ARHGAP26: variants seen among roughly 807,000 people sequenced by gnomAD.
The protein encoded by ARHGAP26 is Rho GTPase activating protein 26.
In ARHGAP26, 38 loss-of-function variants were observed where a neutral mutation model predicts 104.8. That is an observed-to-expected ratio of 0.36 (90% CI 0.28 to 0.48). ARHGAP26 has a LOEUF of 0.48. Ranked by LOEUF, ARHGAP26 falls within the 20% of genes least tolerant of loss-of-function variation. The probability of loss-of-function intolerance (pLI) is 0.99; values close to 1 mark genes in which losing one functional copy is unlikely to be tolerated. For synonymous variants in ARHGAP26, 341 were observed against 340.0 expected, an observed-to-expected ratio of 1.00 and a Z score of -0.03; for missense variants, 704 against 947.9, an observed-to-expected ratio of 0.74 and a Z score of 3.38.
intron 11 of ARHGAP26, among the ~76,000 whole-genome samples, chr5:142,999,134 A>T (rs1419665068): frequency 6.6e-6 from 1 of 152,166 alleles, no homozygotes; most frequent in African/African-American, 2.4e-5. Context: ...ATGCCTTAGG[A>T]AATTAAGATA....
intron 10 of ARHGAP26, among the ~76,000 whole-genome samples, chr5:142,915,942 T>C (rs1185002685): frequency 3.9e-5 from 6 of 152,304 alleles, no homozygotes; most frequent in Non-Finnish European, 5.9e-5. Context: ...TTTTCACCAA[T>C]GTCCTTTAGC....
intron 11 of ARHGAP26, among the ~76,000 whole-genome samples, chr5:142,997,251 A>G (rs1466586031): frequency 6.6e-6 from 1 of 152,166 alleles, no homozygotes; most frequent in Admixed American, 6.5e-5. Flanking sequence ...CCTAAAGTCA[A>G]TACTTGCAGA....
intron 17 of ARHGAP26, among the ~76,000 whole-genome samples, chr5:143,074,995 A>T (rs938253974): frequency 8.5e-5 from 13 of 152,346 alleles, no homozygotes; most frequent in African/African-American, 3.1e-4. Flanking sequence ...GGTGCTGGGG[A>T]AACTCAGGAG....
At chr5:142,796,457 T>G (rs1446010853) in intron 1 of ARHGAP26, among the ~76,000 whole-genome samples, 2 of 152,254 alleles carry the variant, frequency 1.3e-5, no homozygotes, top group Admixed American at 6.5e-5. Flanking sequence ...AAAGAGATGA[T>G]GTACTGCTAT....
At chr5:143,107,247 A>G (rs758222324) in intron 17 of ARHGAP26, among the ~76,000 whole-genome samples, 6 of 152,166 alleles carry the variant, frequency 3.9e-5, no homozygotes, top group Non-Finnish European at 7.4e-5. Flanking sequence ...GTGGTATGAC[A>G]TGAGGTTGGA....
At chr5:142,972,565 A>G (rs1772442931) in intron 11 of ARHGAP26, among the ~76,000 whole-genome samples, 1 of 152,184 alleles carries the variant, frequency 6.6e-6, no homozygotes, top group Admixed American at 6.5e-5. Context: ...GGCATACAAC[A>G]TGATTGTAAG....
chr5:143,009,563 G>A (rs76756561), intron 11 of ARHGAP26, among the ~76,000 whole-genome samples: 369 of 152,302 alleles, frequency 2.4e-3, no homozygotes, highest in African/African-American at 8.5e-3. Context: ...CTGGCACATG[G>A]CAGGGGTTTT....
At chr5:142,779,349 A>G (rs1397880282) in intron 1 of ARHGAP26, among the ~76,000 whole-genome samples, 1 of 152,168 alleles carries the variant, frequency 6.6e-6, no homozygotes, top group African/African-American at 2.4e-5. Context: ...AAGGCACAGA[A>G]TGCTGCCCTG....
intron 7 of ARHGAP26, among the ~76,000 whole-genome samples, chr5:142,902,702 A>G (rs998417358): frequency 2.0e-5 from 3 of 152,166 alleles, no homozygotes; most frequent in East Asian, 1.9e-4. Flanking sequence ...GTTGTACTGC[A>G]TGGGTTTTAG....
At chr5:143,169,892 G>T (rs1246527102) in intron 20 of ARHGAP26, 1 of 152,152 alleles carries the variant, frequency 6.6e-6, no homozygotes, top group African/African-American at 2.4e-5. Context: ...TATGATCTCT[G>T]AAAATATCCC....
At chr5:143,139,757 G>A (rs1326639860) in intron 19 of ARHGAP26, among the ~76,000 whole-genome samples, 1 of 152,208 alleles carries the variant, frequency 6.6e-6, no homozygotes, top group Non-Finnish European at 1.5e-5. Flanking sequence ...ATGAATGGCA[G>A]CAAAGGAGAT....
At chr5:142,928,313 T>A (rs1764221335) in intron 10 of ARHGAP26, among the ~76,000 whole-genome samples, 1 of 151,914 alleles carries the variant, frequency 6.6e-6, no homozygotes, top group Non-Finnish European at 1.5e-5. Flanking sequence ...GAACCACTTC[T>A]ATAGAAAGTA....
intron 17 of ARHGAP26, among the ~76,000 whole-genome samples, chr5:143,079,694 T>C (rs1237714339): frequency 1.3e-5 from 2 of 152,214 alleles, no homozygotes; most frequent in African/African-American, 2.4e-5. Context: ...CCTTGGGATA[T>C]TGTTATGTGT....
chr5:142,934,209 C>T (rs1261268085), intron 11 of ARHGAP26, among the ~76,000 whole-genome samples: 1 of 152,156 alleles, frequency 6.6e-6, no homozygotes, highest in African/African-American at 2.4e-5. Context: ...TCTCTGTCTG[C>T]GTATAATTGG....
intron 1 of ARHGAP26, among the ~76,000 whole-genome samples, chr5:142,853,151 C>T (rs1172609339): frequency 1.3e-5 from 2 of 152,114 alleles, no homozygotes; most frequent in African/African-American, 4.8e-5. Flanking sequence ...TTGGTGAGAA[C>T]TTATCTTTAT....
At chr5:143,015,877 C>G (rs923031351) in intron 12 of ARHGAP26, among the ~76,000 whole-genome samples, 1 of 152,222 alleles carries the variant, frequency 6.6e-6, no homozygotes, top group African/African-American at 2.4e-5. Context: ...GGCATCCCAA[C>G]TGGTTCTGAC....
chr5:142,892,861 G>A (rs867044431), intron 5 of ARHGAP26, among the ~76,000 whole-genome samples: 2 of 151,926 alleles, frequency 1.3e-5, no homozygotes, highest in South Asian at 4.1e-4. Context: ...AATATACACC[G>A]TACATCAGTT....
chr5:143,114,262 T>C (rs981666817), intron 17 of ARHGAP26, among the ~76,000 whole-genome samples: 1 of 152,202 alleles, frequency 6.6e-6, no homozygotes, highest in Non-Finnish European at 1.5e-5. Flanking sequence ...GGTGCCACCA[T>C]TGGGGCAGTC....
At chr5:143,006,322 T>C (rs1423935934) in intron 11 of ARHGAP26, among the ~76,000 whole-genome samples, 6 of 150,906 alleles carry the variant, frequency 4.0e-5, no homozygotes, top group Non-Finnish European at 7.4e-5. Flanking sequence ...TTTTCTTTTT[T>C]TTTTTTTTTT....
Sources: gnomAD v4.1 joint callset for allele counts (sites outside exome capture counted in the v4.1 genomes callset) on GRCh38, gnomAD v4.1.1 for gene constraint, MANE v1.5 for transcripts, NCBI Gene and HGNC (gene_info 2026-07-23, HGNC 2026-07-21) for gene names.